The following HPSE2 variants were observed in gnomAD, a reference collection of about 807,000 sequenced individuals.
HPSE2 encodes the protein inactive heparanase-2.
A neutral mutation model predicts 60.5 loss-of-function variants in HPSE2; 38 were observed. The ratio of observed to expected loss-of-function variants is 0.63; its 90% CI spans 0.48 to 0.82. The LOEUF is 0.82. Ranked by LOEUF, HPSE2 falls within the 40% of genes least tolerant of loss-of-function variation. HPSE2 has a pLI of 0.00. For synonymous variants in HPSE2, 295 were observed against 293.2 expected, an observed-to-expected ratio of 1.01 and a Z score of -0.06; for missense variants, 713 against 740.4, an observed-to-expected ratio of 0.96 and a Z score of 0.43.
At chr10:99,309,956 A>G in the HPSE2 span, among the ~76,000 whole-genome samples, 1 of 152,242 alleles carries the variant, frequency 6.6e-6, no homozygotes, top group South Asian at 2.1e-4. Flanking sequence ...CAGTTTGGGA[A>G]GCCAGAAGTC....
chr10:99,182,860 G>C (rs886100879), intron 2 of HPSE2, among the ~76,000 whole-genome samples: 2 of 151,964 alleles, frequency 1.3e-5, no homozygotes, highest in African/African-American at 2.4e-5. Flanking sequence ...GCCAGGTGTG[G>C]TGGCAGGCGC....
In HPSE2 at chr10:98,941,556, A is replaced by G. The variant is rs956822720; in HGVS notation, c.611-197500T>C. ...AGGACCTCTTCAAGGAGAACTACAA[A>G]CCACTGCTCAATGAAATAAAAGAGG... On this transcript the variant is annotated intron_variant, in intron 3 of 11. Coordinates refer to ENST00000370552, the MANE Select transcript of HPSE2 (RefSeq NM_021828.5). Among the ~76,000 whole-genome samples, 9 of 142,294 alleles carry G rather than the reference A, an allele frequency of 6.3e-5. 2 individuals carry two copies. The highest frequency in any genetic ancestry group is 2.1e-4 in the South Asian group (1 of 4,708). The allele number at this position is 142,294 out of a possible 152,430, so 93.4% of individuals were successfully genotyped here.
intron 1 of HPSE2, 60 bp from the exon 2 acceptor site, chr10:99,232,565 C>T (rs1047474482): frequency 6.6e-7 from 1 of 1,526,110 alleles, no homozygotes; most frequent in Admixed American, 2.0e-5. Flanking sequence ...GCGCGTGGGG[C>T]ACGGAGAAGG....
At chr10:98,854,602 G>C (rs1952263331) in intron 3 of HPSE2, among the ~76,000 whole-genome samples, 1 of 152,172 alleles carries the variant, frequency 6.6e-6, no homozygotes, top group Non-Finnish European at 1.5e-5. Context: ...GGGACACGGG[G>C]AAGGACAAAT....
intron 3 of HPSE2, among the ~76,000 whole-genome samples, chr10:98,952,943 C>T (rs368267086): frequency 5.3e-4 from 80 of 152,146 alleles, no homozygotes; most frequent in African/African-American, 9.9e-4. Flanking sequence ...CTTCAATATA[C>T]GAAATTAGGG....
chr10:98,558,183 G>T (rs537327361), intron 9 of HPSE2, among the ~76,000 whole-genome samples: 1 of 152,058 alleles, frequency 6.6e-6, no homozygotes, highest in Non-Finnish European at 1.5e-5. Flanking sequence ...CTGCTGGTAG[G>T]AATATAAGTT....
At chr10:98,718,888 A>G (rs1365548089) in intron 5 of HPSE2, among the ~76,000 whole-genome samples, 1 of 152,168 alleles carries the variant, frequency 6.6e-6, no homozygotes, top group African/African-American at 2.4e-5. Flanking sequence ...TAGTGTGACA[A>G]TAGTTAACAG....
intron 3 of HPSE2, among the ~76,000 whole-genome samples, chr10:99,138,238 A>G (rs887942201): frequency 6.6e-6 from 1 of 152,190 alleles, no homozygotes; most frequent in Non-Finnish European, 1.5e-5. Context: ...AAGTCAGGAA[A>G]CAAGAAATGC....
intron 3 of HPSE2, among the ~76,000 whole-genome samples, chr10:98,843,307 G>C (rs1337417707): frequency 6.6e-6 from 1 of 152,002 alleles, no homozygotes; most frequent in Non-Finnish European, 1.5e-5. Context: ...TTGGTTCTCT[G>C]TTCCTATGTT....
intron 3 of HPSE2, among the ~76,000 whole-genome samples, chr10:99,003,859 G>A (rs1956831714): frequency 6.6e-6 from 1 of 151,482 alleles, no homozygotes; most frequent in Non-Finnish European, 1.5e-5. Context: ...TCCTCTTTTT[G>A]CCTATGCTTT....
intron 3 of HPSE2, among the ~76,000 whole-genome samples, chr10:98,947,973 G>A (rs1336122678): frequency 2.6e-5 from 4 of 151,880 alleles, no homozygotes; most frequent in Non-Finnish European, 5.9e-5. Flanking sequence ...CATCAAAGTG[G>A]CCTACGTGTC....
chr10:99,270,647 C>T, the HPSE2 span, among the ~76,000 whole-genome samples: 2 of 152,128 alleles, frequency 1.3e-5, no homozygotes, highest in Non-Finnish European at 2.9e-5. Context: ...AAGCCAGTAT[C>T]ACCCTAATAC....
intron 2 of HPSE2, among the ~76,000 whole-genome samples, chr10:99,161,506 A>G (rs1014128313): frequency 1.3e-5 from 2 of 152,322 alleles, no homozygotes. Context: ...TGGAGAACGC[A>G]TATCAATTGA....
At chr10:99,186,909 A>G (rs1848050427) in intron 2 of HPSE2, among the ~76,000 whole-genome samples, 1 of 151,894 alleles carries the variant, frequency 6.6e-6, no homozygotes, top group Non-Finnish European at 1.5e-5. Context: ...CAGTCTCCCT[A>G]GTAGCTGGAA....
intron 3 of HPSE2, among the ~76,000 whole-genome samples, chr10:99,101,701 T>A (rs1298680747): frequency 6.6e-6 from 1 of 152,074 alleles, no homozygotes; most frequent in Non-Finnish European, 1.5e-5. Flanking sequence ...GCACCACATC[T>A]CACTTATTCC....
intron 3 of HPSE2, among the ~76,000 whole-genome samples, chr10:99,096,383 C>G (rs1344217315): frequency 1.3e-5 from 2 of 152,166 alleles, no homozygotes; most frequent in Non-Finnish European, 2.9e-5. Flanking sequence ...AAGTGCTTCA[C>G]TTATTTAATC....
intron 3 of HPSE2, among the ~76,000 whole-genome samples, chr10:98,796,420 C>T (rs769641211): frequency 1.8e-4 from 27 of 152,186 alleles, no homozygotes; most frequent in Non-Finnish European, 5.9e-5. Context: ...GTGGTGGCCA[C>T]ACAGAAAGGC....
At chr10:98,654,659 T>A (rs571273) in intron 6 of HPSE2, among the ~76,000 whole-genome samples, 3,327 of 152,342 alleles carry the variant, frequency 0.022, 45 homozygotes, top group Non-Finnish European at 0.029. Context: ...ACTTAATGTA[T>A]TAATCATAGT....
intron 3 of HPSE2, among the ~76,000 whole-genome samples, chr10:98,894,508 G>C (rs1280758075): frequency 6.6e-6 from 1 of 151,950 alleles, no homozygotes; most frequent in Admixed American, 6.6e-5. Context: ...TCAGTAAAAG[G>C]TTAAACAGAA....
Sources: allele counts gnomAD v4.1 joint callset (sites outside exome capture counted in the v4.1 genomes callset), GRCh38; gene constraint gnomAD v4.1.1; transcripts MANE v1.5; gene names NCBI Gene and HGNC (gene_info 2026-07-23, HGNC 2026-07-21).